PITPNC1: variants seen among roughly 807,000 people sequenced by gnomAD.
PITPNC1 encodes the protein cytoplasmic phosphatidylinositol transfer protein 1.
A neutral mutation model predicts 44.7 loss-of-function variants in PITPNC1; 18 were observed. The ratio of observed to expected loss-of-function variants is 0.40; its 90% confidence interval spans 0.28 to 0.60. The LOEUF (loss-of-function observed/expected upper bound fraction) is 0.60. PITPNC1 is among the 20% of genes least tolerant of loss of function. The pLI, the probability that PITPNC1 is intolerant of heterozygous loss-of-function variation, is 0.39. For missense variants in PITPNC1, 290 were observed against 418.4 expected (o/e 0.69, Z 2.68); for synonymous variants, 141 against 149.6 (o/e 0.94, Z 0.42).
At chr17:67,380,078 CTTTTTT>C (rs527469040) in intron 1 of PITPNC1, among the ~76,000 whole-genome samples, 43 of 139,664 alleles carry the variant, frequency 3.1e-4, no homozygotes, top group African/African-American at 1.1e-3. Flanking sequence ...CTTTTCTTTT[CTTTTTT>C]TTTTTTTTGA....
At chr17:67,625,882 C>T (rs1429834972) in intron 5 of PITPNC1, among the ~76,000 whole-genome samples, 2 of 152,110 alleles carry the variant, frequency 1.3e-5, no homozygotes, top group Non-Finnish European at 2.9e-5. Flanking sequence ...AGTGGTCGAA[C>T]TCTCTTTCCA....
At chr17:67,403,245 A>G (rs939882928) in intron 1 of PITPNC1, among the ~76,000 whole-genome samples, 1 of 150,040 alleles carries the variant, frequency 6.7e-6, no homozygotes, top group African/African-American at 2.5e-5. Flanking sequence ...AAAAAAAGTC[A>G]TGACTGCTTT....
Position 67,508,901 on chromosome 17 carries a change from A to G in PITPNC1, c.49-23901A>G, listed in dbSNP as rs190957270. ...AACTGAATACTTAAAAATGGTTAAA[A>G]TGGTAAATTTCATGTTATGTATGTT... On this transcript the variant is annotated intron_variant, in intron 1 of 8. Transcript: ENST00000581322. This position sits in a 1 kb window ranked among gnomAD's most constrained non-coding sequence, Gnocchi z 4.2. 1.3e-5 allele frequency among the ~76,000 whole-genome samples: 2 copies of G among 152,284 alleles called. No homozygotes were observed. Among genetic ancestry groups the G allele is most frequent in the Admixed American group, 1.3e-4 (2 of 15,294 alleles).
rs1390657163 is a variant in PITPNC1, at chr17:67,564,139, ATAGAT to A, written c.294+10528_294+10532del. On this transcript the variant is annotated intron_variant, in intron 4 of 8. Transcript: ENST00000581322. ...ATAGGTAGACAGATTAGATAAAAAG[ATAGAT>A]TAGATAGGTAGATTGGGTGGATGGA... Among the ~76,000 whole-genome samples the A allele has an allele frequency of 1.6e-4, 24 of 147,792 alleles. 1 individual carries two copies. Among genetic ancestry groups the A allele is most frequent in the East Asian group, 2.0e-4 (1 of 4,988 alleles).
At chr17:67,647,128 G>A (rs780192147) in intron 6 of PITPNC1, among the ~76,000 whole-genome samples, 23 of 152,158 alleles carry the variant, frequency 1.5e-4, no homozygotes, top group African/African-American at 2.2e-4. Context: ...CCTTTGAGAC[G>A]GTTGGTTACC....
chr17:67,576,066 G>A (rs187198040), intron 4 of PITPNC1, among the ~76,000 whole-genome samples: 5 of 151,752 alleles, frequency 3.3e-5, no homozygotes, highest in East Asian at 3.9e-4. Context: ...TAGTAAAGAC[G>A]GGGTTTCGCC....
intron 1 of PITPNC1, among the ~76,000 whole-genome samples, chr17:67,512,772 CT>C (rs66468403): frequency 0.069 from 10,071 of 146,516 alleles, 345 homozygotes; most frequent in Middle Eastern, 0.12. Flanking sequence ...ATTTTATTGA[CT>C]TTTTTTTTTT....
intron 1 of PITPNC1, among the ~76,000 whole-genome samples, chr17:67,446,147 A>G (rs945480264): frequency 3.3e-5 from 5 of 151,620 alleles, no homozygotes; most frequent in Admixed American, 1.3e-4. Flanking sequence ...GGGTTTCACC[A>G]TGTTGGCCAG....
At chr17:67,470,576 T>TC (rs1568003008) in intron 1 of PITPNC1, among the ~76,000 whole-genome samples, 1 of 151,248 alleles carries the variant, frequency 6.6e-6, no homozygotes, top group Admixed American at 6.6e-5. Flanking sequence ...GGGAGGGAGG[T>TC]GGGGGGGGTC....
At position 67,462,308 on chromosome 17, in the gene PITPNC1, T is replaced by C. The variant is rs563469721; in HGVS notation, c.49-70494T>C. Among the ~76,000 whole-genome samples, 4 of 137,674 alleles carry C rather than the reference T, an allele frequency of 2.9e-5. No individual in the cohort carries two copies. The South Asian group carries it at 8.0e-4, about 27-fold the overall frequency. 90.3% of individuals were successfully genotyped at this position (137,674 alleles called of 152,430 possible). ...GTGCGGTGGTGGGATCTCAGCTCAC[T>C]ACAACCTCTGCCTCCTGGGTTCAAG... On this transcript the variant is annotated intron_variant, in intron 1 of 8. Transcript: ENST00000581322.
chr17:67,433,514 G>A (rs1442039180), intron 1 of PITPNC1, among the ~76,000 whole-genome samples: 4 of 152,128 alleles, frequency 2.6e-5, no homozygotes, highest in East Asian at 1.9e-4. Context: ...CGAGGAGGGC[G>A]GATCCCTTGA....
chr17:67,452,308 G>A (rs2039191811), intron 1 of PITPNC1, among the ~76,000 whole-genome samples: 1 of 151,956 alleles, frequency 6.6e-6, no homozygotes, highest in African/African-American at 2.4e-5. Flanking sequence ...ATCATGCCTG[G>A]CCAATAGCTG....
intron 8 of PITPNC1, among the ~76,000 whole-genome samples, chr17:67,688,131 G>A (rs1056686551): frequency 4.0e-5 from 6 of 151,290 alleles, no homozygotes; most frequent in African/African-American, 1.5e-4. Context: ...CTGAGGTCGG[G>A]GGTTCGAGAC....
intron 1 of PITPNC1, among the ~76,000 whole-genome samples, chr17:67,401,304 CT>C (rs2038307576): frequency 6.6e-6 from 1 of 152,130 alleles, no homozygotes; most frequent in Non-Finnish European, 1.5e-5. Flanking sequence ...TTCCTACCCA[CT>C]TAAGAGTCCT....
chr17:67,513,381 C>CTA (rs2040214359), intron 1 of PITPNC1, among the ~76,000 whole-genome samples: 2 of 146,060 alleles, frequency 1.4e-5, no homozygotes, highest in African/African-American at 5.1e-5. Flanking sequence ...ATATCTATAT[C>CTA]TATATCTATA....
chr17:67,545,608 T>C (rs2040669286), intron 2 of PITPNC1, among the ~76,000 whole-genome samples: 1 of 152,014 alleles, frequency 6.6e-6, no homozygotes, highest in Non-Finnish European at 1.5e-5. Context: ...GGTCTCTCTA[T>C]CCATTTATTC....
intron 4 of PITPNC1, among the ~76,000 whole-genome samples, chr17:67,570,003 C>T (rs1286427531): frequency 6.6e-6 from 1 of 152,100 alleles, no homozygotes; most frequent in African/African-American, 2.4e-5. Flanking sequence ...TCACTGATTT[C>T]CCCCAGGCTC....
chr17:67,683,162 C>CAAAAAAAAA (rs901577194), intron 8 of PITPNC1, among the ~76,000 whole-genome samples: 11 of 41,508 alleles, frequency 2.7e-4, no homozygotes, highest in Non-Finnish European at 4.8e-4. Flanking sequence ...AACTGAGTCT[C>CAAAAAAAAA]AAAAAAAAAA....
intron 1 of PITPNC1, among the ~76,000 whole-genome samples, chr17:67,490,799 C>T (rs1204926716): frequency 1.3e-5 from 2 of 152,204 alleles, no homozygotes; most frequent in Non-Finnish European, 2.9e-5. Context: ...AGCTGAACGT[C>T]AGCGCCTCTG....
Sources: allele counts gnomAD v4.1 joint callset (sites outside exome capture counted in the v4.1 genomes callset), GRCh38; gene constraint gnomAD v4.1.1; non-coding constraint Gnocchi (gnomAD v3.1); transcripts MANE v1.5; gene names NCBI Gene and HGNC (gene_info 2026-07-23, HGNC 2026-07-21).